Variants in PRKG1 observed in about 807,000 individuals in gnomAD.
The protein encoded by PRKG1 is protein kinase cGMP-dependent 1.
PRKG1 carries 35 observed loss-of-function variants against 88.1 expected under a neutral mutation model. The observed-to-expected ratio is 0.40, with a 90% CI of 0.30 to 0.53. The LOEUF (loss-of-function observed/expected upper bound fraction) is 0.53, where lower values mean the gene tolerates loss of function less well. Ranked by LOEUF, PRKG1 falls within the 20% of genes least tolerant of loss-of-function variation. The pLI, the probability that PRKG1 is intolerant of heterozygous loss-of-function variation, is 0.59. For synonymous variants in PRKG1, 303 were observed against 292.5 expected (o/e 1.04, Z -0.37); for missense variants, 540 against 839.8 (o/e 0.64, Z 4.41).
At chr10:51,368,718 A>T (rs915100935) in intron 2 of PRKG1, among the ~76,000 whole-genome samples, 2 of 152,128 alleles carry the variant, frequency 1.3e-5, no homozygotes, top group African/African-American at 2.4e-5. Flanking sequence ...AGAATGTAGG[A>T]CATCTTCAGG....
chr10:51,109,838 A>G (rs1844940484), intron 1 of PRKG1, among the ~76,000 whole-genome samples: 2 of 152,152 alleles, frequency 1.3e-5, no homozygotes, highest in African/African-American at 4.8e-5. Context: ...TTGGAAATAA[A>G]GTATCTGATG....
intron 11 of PRKG1, 52 bp from the exon 12 acceptor site, chr10:52,272,340 T>G (rs1378186841): frequency 2.8e-6 from 4 of 1,423,728 alleles, no homozygotes; most frequent in Non-Finnish European, 3.9e-6. Flanking sequence ...ATTGCACACT[T>G]GTAAAAGACA....
intron 3 of PRKG1, among the ~76,000 whole-genome samples, chr10:51,735,917 AAC>A (rs1187219829): frequency 6.7e-5 from 9 of 134,258 alleles, no homozygotes; most frequent in South Asian, 2.3e-4. Flanking sequence ...TTTTCCCTCC[AAC>A]TTTAAGTTGT....
intron 5 of PRKG1, among the ~76,000 whole-genome samples, chr10:51,952,931 T>G (rs1843219548): frequency 1.3e-5 from 2 of 152,232 alleles, no homozygotes; most frequent in Non-Finnish European, 2.9e-5. Context: ...GATTAATACA[T>G]GTTTATTGTA....
chr10:52,050,768 T>C (rs770662330), intron 5 of PRKG1, among the ~76,000 whole-genome samples: 5 of 152,172 alleles, frequency 3.3e-5, no homozygotes, highest in Non-Finnish European at 7.3e-5. Flanking sequence ...TATCAGATGA[T>C]ATTAAGAAGA....
chr10:51,250,179 C>G (rs1361519739), intron 2 of PRKG1, among the ~76,000 whole-genome samples: 1 of 151,686 alleles, frequency 6.6e-6, no homozygotes, highest in Admixed American at 6.6e-5. Flanking sequence ...TTCAGTATAC[C>G]TTGGGAGAAG....
chr10:52,134,053 C>G (rs747717635), intron 8 of PRKG1, 148 bp downstream of exon 8: 1 of 691,960 alleles, frequency 1.4e-6, no homozygotes, highest in Non-Finnish European at 2.3e-6. Context: ...TTCTCATTCC[C>G]TATTCTTAAA....
intron 5 of PRKG1, among the ~76,000 whole-genome samples, chr10:52,030,898 T>C (rs140631527): frequency 4.1e-4 from 63 of 152,312 alleles, no homozygotes; most frequent in Non-Finnish European, 7.8e-4. Flanking sequence ...GAAAGATACA[T>C]CATTCTGTAA....
intron 2 of PRKG1, among the ~76,000 whole-genome samples, chr10:51,288,288 T>A (rs892528603): frequency 6.6e-6 from 1 of 152,164 alleles, no homozygotes; most frequent in African/African-American, 2.4e-5. Flanking sequence ...TGTGGGGATT[T>A]TAAACTTCTA....
chr10:51,589,080 G>C (rs576110159), intron 3 of PRKG1, among the ~76,000 whole-genome samples: 1 of 152,218 alleles, frequency 6.6e-6, no homozygotes, highest in African/African-American at 2.4e-5. Context: ...CCTGTCATTA[G>C]ACAGGCTATA....
chr10:51,885,755 C>G (rs1490155900), intron 4 of PRKG1, among the ~76,000 whole-genome samples: 1 of 152,126 alleles, frequency 6.6e-6, no homozygotes, highest in African/African-American at 2.4e-5. Flanking sequence ...TTCTTCCTTG[C>G]CTTAGATGTT....
chr10:52,293,091 A>C (rs1456897097), intron 17 of PRKG1, among the ~76,000 whole-genome samples: 9 of 150,104 alleles, frequency 6.0e-5, no homozygotes, highest in African/African-American at 1.9e-4. Context: ...ATGTACAAAA[A>C]TCACAAGCAT....
At chr10:52,104,924 A>C (rs1847379279) in intron 7 of PRKG1, among the ~76,000 whole-genome samples, 1 of 152,180 alleles carries the variant, frequency 6.6e-6, no homozygotes, top group Non-Finnish European at 1.5e-5. Context: ...TTCGTGAAAG[A>C]ATGCGGGGAA....
At chr10:51,453,210 T>G (rs965432175) in intron 2 of PRKG1, among the ~76,000 whole-genome samples, 2 of 151,990 alleles carry the variant, frequency 1.3e-5, no homozygotes, top group African/African-American at 4.8e-5. Flanking sequence ...CACTAAATGG[T>G]CTATCAGTTT....
intron 3 of PRKG1, among the ~76,000 whole-genome samples, chr10:51,579,898 A>G (rs2132184039): frequency 1.3e-5 from 2 of 152,280 alleles, no homozygotes; most frequent in South Asian, 4.1e-4. Context: ...TTAAATGGAT[A>G]TATGAAATCA....
At position 51,877,509 on chromosome 10, in the gene PRKG1, T is replaced by C. The variant is rs1478795379; in HGVS notation, c.699-29998T>C. Among the ~76,000 whole-genome samples, 4 of 152,318 alleles carry C rather than the reference T, an allele frequency of 2.6e-5. No individual in the cohort carries two copies. The East Asian group carries it at 7.7e-4, about 29-fold the overall frequency. On this transcript the variant is annotated intron_variant, in intron 4 of 17. Coordinates refer to ENST00000373980, the MANE Select transcript of PRKG1 (RefSeq NM_006258.4). ...AGAATTTGTATTTGATTACATATTT[T>C]ATATTTTAAAGCAGTTTAGTTTTCA...
At chr10:51,061,781 C>G (rs917853832) in intron 1 of PRKG1, among the ~76,000 whole-genome samples, 2 of 152,146 alleles carry the variant, frequency 1.3e-5, no homozygotes, top group African/African-American at 2.4e-5. Flanking sequence ...TTACTGCTTT[C>G]TTTCATCTAA....
At chr10:51,075,380 C>T (rs1010041642) in intron 1 of PRKG1, among the ~76,000 whole-genome samples, 3 of 152,200 alleles carry the variant, frequency 2.0e-5, no homozygotes, top group Non-Finnish European at 4.4e-5. Flanking sequence ...CCTGCTGGCG[C>T]TTCACGCTGG....
chr10:51,880,638 G>A (rs1266197839), intron 4 of PRKG1, among the ~76,000 whole-genome samples: 2 of 152,110 alleles, frequency 1.3e-5, no homozygotes, highest in South Asian at 2.1e-4. Flanking sequence ...TTTTAAAAAC[G>A]TCCTCCTCTA....
Sources: gnomAD v4.1 joint callset for allele counts (sites outside exome capture counted in the v4.1 genomes callset) on GRCh38, gnomAD v4.1.1 for gene constraint, MANE v1.5 for transcripts, NCBI Gene and HGNC (gene_info 2026-07-23, HGNC 2026-07-21) for gene names.